Variants in SMIM44 observed in about 807,000 individuals in gnomAD.
SMIM44 encodes the protein small integral membrane protein 44.
the SMIM44 span, chr19:3,483,382 C>A: frequency 5.0e-6 from 2 of 398,040 alleles, no homozygotes; most frequent in South Asian, 2.6e-4. Flanking sequence ...TCGGCCTCCC[C>A]CTCGGCCGCC....
chr19:3,483,082 C>T, the SMIM44 span: 5 of 398,472 alleles, frequency 1.3e-5, no homozygotes, highest in Non-Finnish European at 2.2e-5. Context: ...AGGCAACTCC[C>T]CGGCCCCGGC....
the SMIM44 span, chr19:3,483,136 C>A: frequency 1.3e-5 from 5 of 398,330 alleles, no homozygotes; most frequent in Middle Eastern, 6.2e-4. Context: ...GCACTAGGAT[C>A]CCCTGACCAC....
the SMIM44 span, among the ~76,000 whole-genome samples, chr19:3,482,306 G>T: frequency 6.6e-6 from 1 of 152,316 alleles, no homozygotes; most frequent in Admixed American, 6.5e-5. Context: ...CCCAGCAGAG[G>T]GGGTGGGGGC....
the SMIM44 span, among the ~76,000 whole-genome samples, chr19:3,482,265 G>A: frequency 1.3e-5 from 2 of 152,218 alleles, no homozygotes; most frequent in East Asian, 1.9e-4. Flanking sequence ...CAGCCGAGGC[G>A]GGGGCTGGAG....
the SMIM44 span, chr19:3,483,220 G>A: frequency 2.0e-5 from 8 of 398,456 alleles, no homozygotes; most frequent in Non-Finnish European, 3.5e-5. Context: ...TCGTGGGCGA[G>A]GTCTTTGATG....
chr19:3,483,403 T>A, the SMIM44 span: 1 of 397,874 alleles, frequency 2.5e-6, no homozygotes, highest in Admixed American at 4.4e-5. Flanking sequence ...AGCCCCGGCA[T>A]GGTGTCCGCC....
At chr19:3,482,945 G>C in the SMIM44 span, 2 of 398,148 alleles carry the variant, frequency 5.0e-6, no homozygotes, top group Non-Finnish European at 8.9e-6. Flanking sequence ...CGCCCTGCCA[G>C]GCCAGGGCCA....
the SMIM44 span, chr19:3,483,247 C>T: frequency 2.5e-6 from 1 of 398,552 alleles, no homozygotes. Flanking sequence ...CCGACGATGG[C>T]GTAGGCGACG....
chr19:3,482,631 G>C, the SMIM44 span, among the ~76,000 whole-genome samples: 1 of 152,190 alleles, frequency 6.6e-6, no homozygotes, highest in South Asian at 2.1e-4. Flanking sequence ...AGGCTGAGCC[G>C]GGCAGGCTCT....
the SMIM44 span, chr19:3,483,438 A>G: frequency 5.0e-6 from 2 of 397,232 alleles, no homozygotes; most frequent in Non-Finnish European, 8.9e-6. Context: ...CCCGGAGGTG[A>G]CCCACACAGC....
the SMIM44 span, chr19:3,483,100 CTCT>C: frequency 5.0e-6 from 2 of 398,502 alleles, no homozygotes; most frequent in Non-Finnish European, 8.9e-6. Context: ...GGCCACCCTC[CTCT>C]GTCCCCTCCT....
At chr19:3,482,265 G>C in the SMIM44 span, among the ~76,000 whole-genome samples, 1 of 152,218 alleles carries the variant, frequency 6.6e-6, no homozygotes, top group East Asian at 1.9e-4. Context: ...CAGCCGAGGC[G>C]GGGGCTGGAG....
the SMIM44 span, chr19:3,483,101 T>C: frequency 2.5e-6 from 1 of 398,392 alleles, no homozygotes. Context: ...GCCACCCTCC[T>C]CTGTCCCCTC....
At chr19:3,482,690 G>T in the SMIM44 span, 1 of 396,216 alleles carries the variant, frequency 2.5e-6, no homozygotes, top group Non-Finnish European at 4.4e-6. Context: ...TGCCGGCTGG[G>T]AAGGAGAAAG....
the SMIM44 span, chr19:3,482,773 C>G: frequency 2.5e-6 from 1 of 397,872 alleles, no homozygotes; most frequent in Admixed American, 4.4e-5. Flanking sequence ...TCTACACGAC[C>G]GCCAAAGCGT....
At chr19:3,482,633 G>A in the SMIM44 span, among the ~76,000 whole-genome samples, 1 of 152,242 alleles carries the variant, frequency 6.6e-6, no homozygotes, top group Non-Finnish European at 1.5e-5. Context: ...GCTGAGCCGG[G>A]CAGGCTCTGC....
At chr19:3,482,414 T>G in the SMIM44 span, among the ~76,000 whole-genome samples, 145 of 152,222 alleles carry the variant, frequency 9.5e-4, 4 homozygotes, top group Non-Finnish European at 2.5e-4. Context: ...GCGAAGCCAC[T>G]TCATCACTGC....
chr19:3,483,297 T>C, the SMIM44 span: 1 of 398,314 alleles, frequency 2.5e-6, no homozygotes, highest in Non-Finnish European at 4.4e-6. Flanking sequence ...GTACAGCACG[T>C]ACCTGGGCAG....
the SMIM44 span, chr19:3,482,732 G>C: frequency 1.5e-5 from 6 of 397,200 alleles, no homozygotes; most frequent in Non-Finnish European, 2.7e-5. Context: ...CTCAGGGTTT[G>C]CAGAAAGGGC....
Sources: gnomAD v4.1 joint callset for allele counts (sites outside exome capture counted in the v4.1 genomes callset) on GRCh38, gnomAD v4.1.1 for gene constraint, MANE v1.5 for transcripts, NCBI Gene and HGNC (gene_info 2026-07-23, HGNC 2026-07-21) for gene names.